AKT3: variants seen among roughly 807,000 people sequenced by gnomAD.
AKT3 encodes the protein RAC-gamma serine/threonine-protein kinase.
Under a neutral mutation model 65.3 loss-of-function variants are expected in AKT3, and 15 were observed. The ratio of observed to expected loss-of-function variants is 0.23; its 90% CI spans 0.15 to 0.35. AKT3 has a LOEUF of 0.35. Among genes scored for constraint, AKT3 ranks in the 10% least tolerant of loss-of-function variants. The pLI is 1.00. For missense variants in AKT3, 243 were observed against 576.5 expected (o/e 0.42, Z 5.92); for synonymous variants, 206 against 183.8 (o/e 1.12, Z -0.98).
intron 8 of AKT3, among the ~76,000 whole-genome samples, chr1:243,609,263 A>T (rs1214867286): frequency 6.6e-6 from 1 of 152,108 alleles, no homozygotes; most frequent in African/African-American, 2.4e-5. Context: ...AAAAAAAAAA[A>T]AATTGTGAGG....
At chr1:243,687,623 T>C (rs1219028765) in intron 3 of AKT3, 1 of 152,300 alleles carries the variant, frequency 6.6e-6, no homozygotes, top group East Asian at 1.9e-4. Context: ...TGTTTTTTTT[T>C]TCTTTCCACA....
intron 6 of AKT3, among the ~76,000 whole-genome samples, chr1:243,637,227 T>C (rs1425082402): frequency 6.6e-6 from 1 of 152,100 alleles, no homozygotes. Context: ...CATTCAATGT[T>C]ATATAAGCTT....
chr1:243,561,051 T>C (rs897144199), intron 10 of AKT3, among the ~76,000 whole-genome samples: 1 of 152,030 alleles, frequency 6.6e-6, no homozygotes, highest in Non-Finnish European at 1.5e-5. Flanking sequence ...TTTTACCTAA[T>C]TAAACCACAA....
rs535786327 is a variant in AKT3, at chr1:243,820,846, T to C, written c.46+22279A>G. On this transcript the variant is annotated intron_variant, in intron 2 of 13. Transcript: ENST00000673466. ...AAGAGATGGGGAAAATGGAACCAAG[T>C]TGGAATATATACTTCAGGATATCAT... Among the ~76,000 whole-genome samples the C allele has an allele frequency of 1.7e-4, 26 of 152,270 alleles. No individual in the cohort carries two copies. In the South Asian group the frequency reaches 5.4e-3, roughly 32 times the overall value.
chr1:243,569,398 T>A (rs908805917), intron 9 of AKT3, among the ~76,000 whole-genome samples: 2 of 152,178 alleles, frequency 1.3e-5, no homozygotes, highest in African/African-American at 2.4e-5. Flanking sequence ...TGAAGAGCAG[T>A]GGCTTAAGAT....
chr1:243,614,444 C>T (rs1045704553), intron 7 of AKT3, among the ~76,000 whole-genome samples: 1 of 152,010 alleles, frequency 6.6e-6, no homozygotes, highest in Non-Finnish European at 1.5e-5. Flanking sequence ...AGAAACTTTA[C>T]CAATTATCCC....
chr1:243,820,167 C>T (rs542482410), intron 2 of AKT3, among the ~76,000 whole-genome samples: 126 of 152,306 alleles, frequency 8.3e-4, no homozygotes, highest in African/African-American at 3.0e-3. Context: ...GATCCACCTG[C>T]CTCGGCCTCC....
intron 8 of AKT3, among the ~76,000 whole-genome samples, chr1:243,595,418 G>A (rs1676533827): frequency 6.6e-6 from 1 of 152,136 alleles, no homozygotes; most frequent in East Asian, 1.9e-4. Flanking sequence ...ACTGTATAAT[G>A]TATAAAATAA....
chr1:243,517,343 C>T (rs907370851), intron 12 of AKT3, among the ~76,000 whole-genome samples: 1 of 152,132 alleles, frequency 6.6e-6, no homozygotes. Flanking sequence ...GATAGTATTG[C>T]CCAAGTTGCT....
chr1:243,573,526 G>T (rs754807071), intron 8 of AKT3, among the ~76,000 whole-genome samples: 4 of 152,042 alleles, frequency 2.6e-5, no homozygotes, highest in Non-Finnish European at 4.4e-5. Flanking sequence ...GATTAATCAT[G>T]ATATCTCTAA....
Position 243,610,196 on chromosome 1 carries a change from T to C in AKT3, c.696+3475A>G, listed in dbSNP as rs1677766677. 2.6e-5 allele frequency among the ~76,000 whole-genome samples: 4 copies of C among 152,352 alleles called. No homozygotes were observed. The South Asian group carries it at 8.3e-4, about 32-fold the overall frequency. On this transcript the variant is annotated intron_variant, in intron 8 of 13. Transcript: ENST00000673466. ...AAACTGTATACTACATCAATTTCTA[T>C]TTTTCTTCCTACTCCTCAGTAGTTC...
chr1:243,494,035 T>G (rs1334796714), intron 13 of AKT3, among the ~76,000 whole-genome samples: 1 of 152,272 alleles, frequency 6.6e-6, no homozygotes, highest in African/African-American at 2.4e-5. Flanking sequence ...CCAGGAGCCC[T>G]GGGGGCCTCG....
At chr1:243,811,974 G>A (rs992826446) in intron 2 of AKT3, among the ~76,000 whole-genome samples, 9 of 152,126 alleles carry the variant, frequency 5.9e-5, no homozygotes, top group African/African-American at 2.2e-4. Flanking sequence ...ACCATATGTA[G>A]AAAGCTGAAA....
chr1:243,759,143 G>A (rs557785602), intron 2 of AKT3, among the ~76,000 whole-genome samples: 2 of 152,094 alleles, frequency 1.3e-5, no homozygotes, highest in East Asian at 1.9e-4. Context: ...CCAAAACCTC[G>A]TCTCTATAAA....
At position 243,504,745 on chromosome 1, in the gene AKT3, G is replaced by GAT. The variant is rs1424493630; in HGVS notation, c.*502_*503dup. 1 of 189,506 alleles carries GAT rather than the reference G, an allele frequency of 5.3e-6. No homozygotes were observed. Among genetic ancestry groups the GAT allele is most frequent in the South Asian group, 1.9e-4 (1 of 5,262 alleles). 11.7% of individuals were successfully genotyped at this position (189,506 alleles called of 1,614,324 possible). A position where few individuals can be genotyped will look rare whatever the true frequency, so the allele number is the denominator to read the frequency against. On this transcript the variant is annotated 3_prime_UTR_variant, in exon 14 of 14. Coordinates refer to ENST00000673466, the MANE Select transcript of AKT3 (RefSeq NM_005465.7). ...ATATGCCTACTTCACGCACGGATCT[G>GAT]ATGTGCTTTACATATGCACGCCACC...
chr1:243,677,141 GATTATT>G (rs900787508), intron 3 of AKT3, among the ~76,000 whole-genome samples: 3 of 152,146 alleles, frequency 2.0e-5, no homozygotes, highest in Non-Finnish European at 1.5e-5. Flanking sequence ...AAAATTATCT[GATTATT>G]ATTAACTTCA....
intron 12 of AKT3, among the ~76,000 whole-genome samples, chr1:243,529,771 G>A (rs532298971): frequency 1.8e-4 from 28 of 152,112 alleles, no homozygotes; most frequent in African/African-American, 5.5e-4. Context: ...TTGGCTATTC[G>A]GGTTCTTTTT....
intron 3 of AKT3, among the ~76,000 whole-genome samples, chr1:243,671,078 C>CTTT (rs569050061): frequency 3.6e-5 from 5 of 137,188 alleles, no homozygotes; most frequent in African/African-American, 8.2e-5. Flanking sequence ...TAATAGATTC[C>CTTT]TTTTTTTTTT....
chr1:243,719,222 CCAACT>C (rs1686720086), intron 2 of AKT3, among the ~76,000 whole-genome samples: 1 of 152,132 alleles, frequency 6.6e-6, no homozygotes, highest in African/African-American at 2.4e-5. Flanking sequence ...AAATCCTATC[CCAACT>C]CTCAGAGACT....
Sources: allele counts gnomAD v4.1 joint callset (sites outside exome capture counted in the v4.1 genomes callset), GRCh38; gene constraint gnomAD v4.1.1; transcripts MANE v1.5; gene names NCBI Gene and HGNC (gene_info 2026-07-23, HGNC 2026-07-21).